The following GRIP2 variants were observed in gnomAD, a reference collection of about 807,000 sequenced individuals.
The protein encoded by GRIP2 is glutamate receptor interacting protein 2.
GRIP2 carries 58 observed loss-of-function variants against 108.3 expected under a neutral mutation model. The observed-to-expected ratio is 0.54, with a 90% CI of 0.43 to 0.67. GRIP2 has a LOEUF of 0.67. Ranked by LOEUF, GRIP2 falls within the 30% of genes least tolerant of loss-of-function variation. The probability of loss-of-function intolerance (pLI) is 0.00; values close to 1 mark genes in which losing one functional copy is unlikely to be tolerated. For missense variants in GRIP2, 1,278 were observed against 1,430.6 expected (o/e 0.89, Z 1.72); for synonymous variants, 586 against 598.2 (o/e 0.98, Z 0.30).
chr3:14,525,938 G>A lies in GRIP2; in HGVS notation c.41-7C>T. ...TTGGAGTAGGGCCCATCGTCTGCAGGAGAGAAAGAGGGAAAGGCCGAGTTC... is the reference window on the plus strand; with the variant it reads ...TTGGAGTAGGGCCCATCGTCTGCAGAAGAGAAAGAGGGAAAGGCCGAGTTC... On this transcript the variant is annotated splice_polypyrimidine_tract_variant and splice_region_variant and intron_variant, in intron 1 of 23. Transcript: ENST00000621039. 1 of 1,554,468 alleles carries A rather than the reference G, an allele frequency of 6.4e-7. No homozygotes were observed. The highest frequency in any genetic ancestry group is 8.7e-7 in the Non-Finnish European group (1 of 1,148,496).
the GRIP2 span, among the ~76,000 whole-genome samples, chr3:14,562,709 G>T: frequency 1.3e-5 from 2 of 150,776 alleles, no homozygotes; most frequent in African/African-American, 4.9e-5. Flanking sequence ...TGTGACAGAG[G>T]GATGAGGCAG....
At chr3:14,599,663 G>GTC in the GRIP2 span, among the ~76,000 whole-genome samples, 188 of 142,672 alleles carry the variant, frequency 1.3e-3, 1 homozygote, top group South Asian at 4.0e-3. Flanking sequence ...TGAAGCACAA[G>GTC]TCTCTCTCTC....
At chr3:14,525,115 G>A (rs35904107) in intron 3 of GRIP2, among the ~76,000 whole-genome samples, 31,514 of 152,154 alleles carry the variant, frequency 0.21, 3,524 homozygotes, top group African/African-American at 0.28. Flanking sequence ...GGGGTAAAGA[G>A]GAGTGTGCCA....
chr3:14,505,815 G>T lies in GRIP2; in HGVS notation c.2399-26C>A. 1 of 1,487,312 alleles carries T rather than the reference G, an allele frequency of 6.7e-7. No individual in the cohort carries two copies. The highest frequency in any genetic ancestry group is 1.4e-5 in the African/African-American group (1 of 71,048). 92.1% of individuals were successfully genotyped at this position (1,487,312 alleles called of 1,614,324 possible). ...CTGGTGGTGGAGAGAGGGCCTCTGTGTTCCCTGCGGCCTCACCTTGCCCTC... is the reference window on the plus strand; with the variant it reads ...CTGGTGGTGGAGAGAGGGCCTCTGTTTTCCCTGCGGCCTCACCTTGCCCTC... On this transcript the variant is annotated intron_variant, in intron 19 of 23. Transcript: ENST00000621039. The surrounding 1 kb of genome is among the most constrained non-coding windows in gnomAD (Gnocchi z 4.2).
the GRIP2 span, among the ~76,000 whole-genome samples, chr3:14,565,270 G>A: frequency 6.6e-6 from 1 of 152,218 alleles, no homozygotes; most frequent in South Asian, 2.1e-4. Flanking sequence ...CCTCTGGCAG[G>A]TGGGTTAATT....
chr3:14,593,543 G>T, the GRIP2 span, among the ~76,000 whole-genome samples: 4 of 152,218 alleles, frequency 2.6e-5, no homozygotes, highest in Non-Finnish European at 4.4e-5. Context: ...AGCTCCTATA[G>T]TTCTCCCAAG....
intron 1 of GRIP2, among the ~76,000 whole-genome samples, chr3:14,549,928 C>A (rs1042809181): frequency 6.6e-6 from 1 of 152,180 alleles, no homozygotes; most frequent in Non-Finnish European, 1.5e-5. Flanking sequence ...TGAAAGAGAA[C>A]CCTGGAGCTG....
At chr3:14,538,059 A>G (rs1443894184) in intron 1 of GRIP2, among the ~76,000 whole-genome samples, 1 of 152,162 alleles carries the variant, frequency 6.6e-6, no homozygotes, top group South Asian at 2.1e-4. Flanking sequence ...CTGGAGTGAG[A>G]CGACATGCCC....
chr3:14,520,616 T>C, intron 7 of GRIP2, 79 bp from the exon 8 acceptor site: 1 of 1,458,696 alleles, frequency 6.9e-7, no homozygotes, highest in East Asian at 2.3e-5. Flanking sequence ...TATCCTGATT[T>C]AATCCTTGCT....
rs1437233024 is a variant in GRIP2 at position 14,522,422 on chromosome 3, G to C, written c.566+578C>G. ...GGGTTCTATGAATAGCTCATCACAG[G>C]GCCCTGTCCCAAGGACAGATTTAGA... On this transcript the variant is annotated intron_variant, in intron 6 of 23. Transcript: ENST00000621039. The surrounding 1 kb of genome is among the most constrained non-coding windows in gnomAD (Gnocchi z 4.3). 2 of 153,454 alleles carry C rather than the reference G, an allele frequency of 1.3e-5. No individual in the cohort carries two copies. The highest frequency in any genetic ancestry group is 4.8e-5 in the African/African-American group (2 of 41,446). 9.5% of individuals were successfully genotyped at this position (153,454 alleles called of 1,614,324 possible). A position where few individuals can be genotyped will look rare whatever the true frequency, so the allele number is the denominator to read the frequency against.
intron 7 of GRIP2, chr3:14,520,899 C>T (rs962205899): frequency 1.3e-5 from 3 of 237,864 alleles, no homozygotes; most frequent in African/African-American, 6.7e-5. Context: ...TCCATTAACA[C>T]ACCCAGTGGC....
rs538441197 is a variant in GRIP2 at position 14,506,733 on chromosome 3, G to A, written c.2398+68C>T. 13 of 1,413,664 alleles carry A rather than the reference G, an allele frequency of 9.2e-6. No individual in the cohort carries two copies. The East Asian group carries it at 3.3e-4, about 35-fold the overall frequency. 87.6% of individuals were successfully genotyped at this position (1,413,664 alleles called of 1,614,324 possible). A position where few individuals can be genotyped will look rare whatever the true frequency, so the allele number is the denominator to read the frequency against. On this transcript the variant is annotated intron_variant, in intron 19 of 23. Transcript: ENST00000621039. ...GAGGAACAGGCACAAGAACAGTCCT[G>A]CACAGGCCCAGCAGCAGGGGCGGCC...
At chr3:14,510,178 G>A (rs545521890) in intron 16 of GRIP2, among the ~76,000 whole-genome samples, 11 of 151,492 alleles carry the variant, frequency 7.3e-5, no homozygotes, top group East Asian at 3.9e-4. Flanking sequence ...CCACAATAAT[G>A]ACAACATTGA....
chr3:14,599,392 C>A, the GRIP2 span, among the ~76,000 whole-genome samples: 1 of 152,202 alleles, frequency 6.6e-6, no homozygotes, highest in Non-Finnish European at 1.5e-5. Context: ...ACCTTCTCAA[C>A]TGGGTCGCAG....
Position 14,492,871 on chromosome 3 carries a change from C to T in GRIP2, c.*794G>A, listed in dbSNP as rs1574982423. 1 of 152,288 alleles carries T rather than the reference C, an allele frequency of 6.6e-6. No homozygotes were observed. Among genetic ancestry groups the T allele is most frequent in the South Asian group, 2.1e-4 (1 of 4,818 alleles). 9.4% of individuals were successfully genotyped at this position (152,288 alleles called of 1,614,324 possible). ...GGCCCATAGAGCCTGCCCAATGGGC[C>T]CAGAACCACAGTCTCAAGTCCCAGA... On this transcript the variant is annotated 3_prime_UTR_variant, in exon 24 of 24. Coordinates refer to ENST00000621039, the MANE Select transcript of GRIP2 (RefSeq NM_001080423.4).
chr3:14,553,677 C>G (rs1695188713), intron 1 of GRIP2, among the ~76,000 whole-genome samples: 1 of 152,186 alleles, frequency 6.6e-6, no homozygotes, highest in South Asian at 2.1e-4. Context: ...AGCAACAGGA[C>G]AGCCCATTAA....
chr3:14,508,656 C>CCGG (rs921085990), intron 17 of GRIP2, among the ~76,000 whole-genome samples: 1 of 152,022 alleles, frequency 6.6e-6, no homozygotes, highest in Non-Finnish European at 1.5e-5. Context: ...ATGGCAGCCA[C>CCGG]CAGCCACAGG....
At chr3:14,581,145 C>T in the GRIP2 span, among the ~76,000 whole-genome samples, 21 of 152,148 alleles carry the variant, frequency 1.4e-4, 1 homozygote, top group Non-Finnish European at 2.2e-4. Context: ...GATAGATGTT[C>T]GGATGGGTGG....
rs1204121082 is a variant in GRIP2, at chr3:14,490,816, C to CAAAG, written c.*2848_*2849insCTTT. 1.6e-4 allele frequency: 24 copies of CAAAG among 152,392 alleles called. No individual in the cohort carries two copies. The highest frequency in any genetic ancestry group is 1.4e-3 in the Admixed American group (21 of 15,314). 9.4% of individuals were successfully genotyped at this position (152,392 alleles called of 1,614,324 possible). On this transcript the variant is annotated 3_prime_UTR_variant, in exon 24 of 24. Transcript: ENST00000621039. Reference sequence around the variant, plus strand: ...CTCCATGGAGGCTGGCTCCTGTCTTCAGGTCTCATTGCAAATGTCGCCTCT... The same window carrying CAAAG: ...CTCCATGGAGGCTGGCTCCTGTCTTCAAAGAGGTCTCATTGCAAATGTCGCCTCT...
Sources: gnomAD v4.1 joint callset for allele counts (sites outside exome capture counted in the v4.1 genomes callset) on GRCh38, gnomAD v4.1.1 for gene constraint, Gnocchi (gnomAD v3.1) non-coding constraint, MANE v1.5 for transcripts, NCBI Gene and HGNC (gene_info 2026-07-23, HGNC 2026-07-21) for gene names.